CRYZL1: variants seen among roughly 807,000 people sequenced by gnomAD.
The protein encoded by CRYZL1 is ferry endosomal RAB5 effector complex subunit 4.
A neutral mutation model predicts 50.6 loss-of-function variants in CRYZL1; 34 were observed. The observed-to-expected ratio is 0.67, with a 90% CI of 0.51 to 0.89. The LOEUF (loss-of-function observed/expected upper bound fraction) is 0.89. Ranked by LOEUF, CRYZL1 falls within the 40% of genes least tolerant of loss-of-function variation. The pLI, the probability that CRYZL1 is intolerant of heterozygous loss-of-function variation, is 0.00. For missense variants in CRYZL1, 354 were observed against 402.3 expected, an observed-to-expected ratio of 0.88 and a Z score of 1.03; for synonymous variants, 125 against 134.3, an observed-to-expected ratio of 0.93 and a Z score of 0.48.
At chr21:33,639,408 A>G (rs1184805847) in intron 1 of CRYZL1, among the ~76,000 whole-genome samples, 1 of 152,226 alleles carries the variant, frequency 6.6e-6, no homozygotes, top group East Asian at 1.9e-4. Context: ...CCTATATTGT[A>G]CTACTGGGGA....
Position 33,641,711 on chromosome 21 carries a change from C to T in CRYZL1, c.-37G>A. 1 of 163,754 alleles carries T rather than the reference C, an allele frequency of 6.1e-6. No homozygotes were observed. Among genetic ancestry groups the T allele is most frequent in the Non-Finnish European group, 1.3e-5 (1 of 74,754 alleles). The allele number at this position is 163,754 out of a possible 1,614,324, so 10.1% of individuals were successfully genotyped here. Reference sequence around the variant, plus strand: ...TCTGAGCCGCCCCAACGGCCTGCACCTTCACCACCGCCACCTTCCAGTCCT... The same window carrying T: ...TCTGAGCCGCCCCAACGGCCTGCACTTTCACCACCGCCACCTTCCAGTCCT... On this transcript the variant is annotated 5_prime_UTR_variant, in exon 1 of 13. Transcript: ENST00000381554.
intron 4 of CRYZL1, among the ~76,000 whole-genome samples, chr21:33,618,169 G>C (rs1157873703): frequency 6.6e-6 from 1 of 151,536 alleles, no homozygotes; most frequent in Admixed American, 6.6e-5. Context: ...GGTGCCTATA[G>C]TCCCAGCTAC....
intron 2 of CRYZL1, among the ~76,000 whole-genome samples, chr21:33,631,034 G>T (rs1295254424): frequency 1.3e-5 from 2 of 152,168 alleles, no homozygotes; most frequent in Non-Finnish European, 2.9e-5. Context: ...TGGTCAACAG[G>T]TACAAAGTTA....
chr21:33,599,331 CAAAT>C lies in CRYZL1; in HGVS notation c.578-87_578-84del, dbSNP rs761887737. On this transcript the variant is annotated intron_variant, in intron 8 of 12. Coordinates refer to ENST00000381554, the MANE Select transcript of CRYZL1 (RefSeq NM_145858.3). Reference sequence around the variant, plus strand: ...AATCAGGGAAAAAGAAAAAGAAAAGCAAATAAATATCTATTCTTGAAATGAGTTA... The same window carrying C: ...AATCAGGGAAAAAGAAAAAGAAAAGCAAATATCTATTCTTGAAATGAGTTA... The C allele has an allele frequency of 2.5e-5, 38 of 1,550,412 alleles. No homozygotes were observed. The Middle Eastern group carries it at 5.0e-4, about 20-fold the overall frequency.
chr21:33,595,578 A>T (rs1485793923), intron 11 of CRYZL1, 153 bp downstream of exon 11: 2 of 1,356,630 alleles, frequency 1.5e-6, no homozygotes, highest in African/African-American at 2.9e-5. Context: ...GGCTGTTTTA[A>T]TGTTTAAATG....
chr21:33,591,333 G>A (rs1286739400), intron 11 of CRYZL1, 126 bp from the exon 12 acceptor site: 3 of 736,082 alleles, frequency 4.1e-6, no homozygotes, highest in Admixed American at 4.3e-5. Context: ...GACTCAACAT[G>A]TTAAGTTAGA....
At chr21:33,604,147 C>T (rs2086786007) in intron 6 of CRYZL1, among the ~76,000 whole-genome samples, 1 of 151,908 alleles carries the variant, frequency 6.6e-6, no homozygotes, top group South Asian at 2.1e-4. Flanking sequence ...GCGGGCGGAT[C>T]ACGAGCTCAG....
chr21:33,630,500 C>G (rs924143555), intron 2 of CRYZL1, among the ~76,000 whole-genome samples: 1 of 151,814 alleles, frequency 6.6e-6, no homozygotes, highest in African/African-American at 2.4e-5. Flanking sequence ...GTAGGAGAAT[C>G]ACTTGAACCT....
chr21:33,633,971 T>A (rs1403483521), intron 1 of CRYZL1, among the ~76,000 whole-genome samples: 1 of 152,032 alleles, frequency 6.6e-6, no homozygotes, highest in Non-Finnish European at 1.5e-5. Flanking sequence ...ACGTAAAGAG[T>A]TTTTACAGAG....
chr21:33,607,906 G>T (rs56292839), intron 6 of CRYZL1, among the ~76,000 whole-genome samples: 7,868 of 152,042 alleles, frequency 0.052, 256 homozygotes, highest in Non-Finnish European at 0.08. Flanking sequence ...CACACTGTTA[G>T]TCATCATTCT....
intron 12 of CRYZL1, 99 bp from the exon 13 acceptor site, chr21:33,590,020 TATTA>T (rs1386859126): frequency 1.7e-5 from 11 of 657,762 alleles, no homozygotes; most frequent in Middle Eastern, 2.5e-4. Flanking sequence ...TCTATTAGTG[TATTA>T]ATTAATTTTT....
intron 11 of CRYZL1, chr21:33,594,705 C>T (rs190754078): frequency 7.7e-6 from 1 of 130,302 alleles, no homozygotes; most frequent in Non-Finnish European, 1.5e-5. Flanking sequence ...TGTAGTAGTG[C>T]AATCTTGGCT....
At chr21:33,607,335 A>G (rs2086824168) in intron 6 of CRYZL1, among the ~76,000 whole-genome samples, 1 of 152,190 alleles carries the variant, frequency 6.6e-6, no homozygotes, top group Non-Finnish European at 1.5e-5. Flanking sequence ...CTGAGCACTG[A>G]GCACTCATTA....
chr21:33,631,635 C>G (rs1410652185), intron 1 of CRYZL1, 78 bp from the exon 2 acceptor site: 3 of 928,290 alleles, frequency 3.2e-6, no homozygotes, highest in Non-Finnish European at 4.5e-6. Context: ...AAAAACAGTG[C>G]TGGCAAAGGA....
chr21:33,631,800 T>A (rs1382951233), intron 1 of CRYZL1, among the ~76,000 whole-genome samples: 2 of 152,224 alleles, frequency 1.3e-5, no homozygotes, highest in African/African-American at 4.8e-5. Context: ...CAAACATGCT[T>A]CATTTTACTT....
In CRYZL1 at chr21:33,628,609, T is replaced by C. The variant is rs926330688; in HGVS notation, c.66+2877A>G. On this transcript the variant is annotated intron_variant, in intron 2 of 12. Transcript: ENST00000381554. Reference sequence around the variant, plus strand: ...TTGCCTTCTTAATTTCTTTCTTTTTTTTTTTTTTTTTGAGACAAGTCTTGC... The same window carrying C: ...TTGCCTTCTTAATTTCTTTCTTTTTCTTTTTTTTTTTGAGACAAGTCTTGC... Among the ~76,000 whole-genome samples the C allele has an allele frequency of 4.0e-5, 6 of 150,422 alleles. No homozygotes were observed. In the East Asian group the frequency reaches 1.2e-3, roughly 29 times the overall value.
chr21:33,633,543 T>C (rs2087165930), intron 1 of CRYZL1: 1 of 152,166 alleles, frequency 6.6e-6, no homozygotes, highest in African/African-American at 2.4e-5. Context: ...GCCACCCGAG[T>C]AGTTGGGACT....
At chr21:33,604,678 T>C (rs2086793060) in intron 6 of CRYZL1, among the ~76,000 whole-genome samples, 1 of 152,238 alleles carries the variant, frequency 6.6e-6, no homozygotes, top group Non-Finnish European at 1.5e-5. Flanking sequence ...GTTAGAGCAC[T>C]TTCATTCTTG....
intron 4 of CRYZL1, among the ~76,000 whole-genome samples, chr21:33,618,785 C>T (rs1569089427): frequency 6.6e-6 from 1 of 152,158 alleles, no homozygotes; most frequent in Admixed American, 6.6e-5. Context: ...ACTGCTGATC[C>T]CTGTCCTCCT....
Sources: gnomAD v4.1 joint callset for allele counts (sites outside exome capture counted in the v4.1 genomes callset) on GRCh38, gnomAD v4.1.1 for gene constraint, MANE v1.5 for transcripts, NCBI Gene and HGNC (gene_info 2026-07-23, HGNC 2026-07-21) for gene names.